TASOR2: variants seen among roughly 807,000 people sequenced by gnomAD.
TASOR2 encodes the protein protein TASOR 2.
Under a neutral mutation model 199.5 loss-of-function variants are expected in TASOR2, and 84 were observed. That is an observed-to-expected ratio of 0.42 (90% CI 0.35 to 0.50). TASOR2 has a LOEUF of 0.50. Ranked by LOEUF, TASOR2 falls within the 20% of genes least tolerant of loss-of-function variation. The pLI is 0.02. For missense variants in TASOR2, 2,796 were observed against 2,835.9 expected (o/e 0.99, Z 0.32); for synonymous variants, 1,103 against 1,046.6 (o/e 1.05, Z -1.04).
rs1381051305 is a variant in TASOR2 at position 5,717,864 on chromosome 10, A to G, written c.-100+114A>G. 1.2e-5 allele frequency: 5 copies of G among 414,064 alleles called. No homozygotes were observed. In the East Asian group the frequency reaches 1.8e-4, roughly 15 times the overall value. The allele number at this position is 414,064 out of a possible 1,614,324, so 25.6% of individuals were successfully genotyped here. ...AGTTCTCACCAAAGTTAGCTATCCAAATTCAGGAAAAGCAAAACTATTTTT... is the reference window on the plus strand; with the variant it reads ...AGTTCTCACCAAAGTTAGCTATCCAGATTCAGGAAAAGCAAAACTATTTTT... On this transcript the variant is annotated intron_variant, in intron 3 of 20. Coordinates refer to ENST00000328090, the Ensembl canonical transcript of TASOR2.
At chr10:5,753,599 A>G (rs1409231858) in intron 15 of TASOR2, among the ~76,000 whole-genome samples, 2 of 152,052 alleles carry the variant, frequency 1.3e-5, no homozygotes, top group Non-Finnish European at 2.9e-5. Flanking sequence ...TGACCTTGTG[A>G]TCCGCCTACC....
chr10:5,717,791 T>A (rs1564287046), intron 3 of TASOR2, 41 bp downstream of exon 4: 1 of 780,964 alleles, frequency 1.3e-6, no homozygotes. Context: ...CCTTTTAAAG[T>A]TTAAGGTTAT....
rs879648422 is a variant in TASOR2 at position 5,754,390 on chromosome 10, C to CT, written c.6607-2211dup. 1.4e-3 allele frequency among the ~76,000 whole-genome samples: 204 copies of CT among 146,078 alleles called. 3 individuals are homozygous for CT. The East Asian group carries it at 0.027, about 20-fold the overall frequency. On this transcript the variant is annotated intron_variant, in intron 15 of 20. Coordinates refer to ENST00000328090, the Ensembl canonical transcript of TASOR2. This position sits in a 1 kb window ranked among gnomAD's most constrained non-coding sequence, Gnocchi z 4.3. Reference sequence around the variant, plus strand: ...CTAAGTTTTATTCATAGCAGAAGTACTTTTTTTTTTTTAATTGAGATGAAG... The same window carrying CT: ...CTAAGTTTTATTCATAGCAGAAGTACTTTTTTTTTTTTTAATTGAGATGAAG...
In TASOR2 at chr10:5,740,461, A is replaced by T. The variant is rs532126337; in HGVS notation, c.2291A>T (p.Asn764Ile). ...AGTTTAGACAGCAAATATACCAACA[A>T]CCCACTGGAGAAAACTGTAGTAAGA... The change falls in exon 13 of 21, where the codon AAC becomes ATC. Residue 764 changes from asparagine (N) to isoleucine (I), a missense_variant. Transcript: ENST00000328090. This position sits in a 1 kb window ranked among gnomAD's most constrained non-coding sequence, Gnocchi z 5.3. 6.2e-7 allele frequency: 1 copy of T among 1,613,448 alleles called. No homozygotes were observed. The highest frequency in any genetic ancestry group is 1.3e-5 in the African/African-American group (1 of 75,042).
chr10:5,733,298 A>G (rs2131598338), intron 11 of TASOR2, among the ~76,000 whole-genome samples: 1 of 152,276 alleles, frequency 6.6e-6, no homozygotes, highest in South Asian at 2.1e-4. Context: ...ACTTGAGGCC[A>G]GGAGTTCGAG....
exon 21 of TASOR2, chr10:5,763,075 A>G: frequency 1.4e-5 from 23 of 1,604,154 alleles, no homozygotes; most frequent in Non-Finnish European, 2.0e-5. Context: ...CCAATAAAAA[A>G]TTAGTATTTT....
chr10:5,696,403 T>A (rs1219993161), intron 1 of TASOR2, among the ~76,000 whole-genome samples: 1 of 152,168 alleles, frequency 6.6e-6, no homozygotes, highest in East Asian at 1.9e-4. Context: ...GTCACCCAGA[T>A]TGAAGTGCAG....
At chr10:5,758,728 G>A (rs995903529) in intron 17 of TASOR2, among the ~76,000 whole-genome samples, 159 bp from the exon 19 acceptor site, 1 of 152,216 alleles carries the variant, frequency 6.6e-6, no homozygotes, top group Non-Finnish European at 1.5e-5. Context: ...GTGAGAGCAG[G>A]ATGCTGCCCA....
chr10:5,746,742 G>T (rs1343528808), exon 15 of TASOR2: 1 of 1,614,130 alleles, frequency 6.2e-7, no homozygotes, highest in Non-Finnish European at 8.5e-7. Flanking sequence ...CACAAGGCCT[G>T]AGGGACATTC....
intron 1 of TASOR2, among the ~76,000 whole-genome samples, chr10:5,686,699 TAGCCACCTAGTAATTGAAAGTAAC>T (rs1294087890): frequency 1.3e-5 from 2 of 152,228 alleles, no homozygotes; most frequent in Non-Finnish European, 2.9e-5. Flanking sequence ...TAAAATATCT[TAGCCACCTAGTAATTGAAAGTAAC>T]ATTCTGTTTT....
At chr10:5,721,848 T>A in intron 6 of TASOR2, among the ~76,000 whole-genome samples, 1 of 152,204 alleles carries the variant, frequency 6.6e-6, no homozygotes, top group East Asian at 1.9e-4. Context: ...GCAGATACCA[T>A]CTTAACTCAG....
chr10:5,712,334 C>T, intron 1 of TASOR2: 1 of 1,168,770 alleles, frequency 8.6e-7, no homozygotes, highest in Non-Finnish European at 1.1e-6. Flanking sequence ...CAGTGTGTCT[C>T]CCTTAACCCC....
Position 5,739,609 on chromosome 10 carries a change from A to G in TASOR2, c.1448-9A>G. On this transcript the variant is annotated splice_polypyrimidine_tract_variant and intron_variant, in intron 12 of 20. Coordinates refer to ENST00000328090, the Ensembl canonical transcript of TASOR2. ...AACATCTCTCTTTTTTTTTTCTTTTATACTGAAGTCAAAGGAGAAACTGCT... is the reference window on the plus strand; with the variant it reads ...AACATCTCTCTTTTTTTTTTCTTTTGTACTGAAGTCAAAGGAGAAACTGCT... The G allele has an allele frequency of 3.8e-6, 6 of 1,595,338 alleles. No individual in the cohort carries two copies. Among genetic ancestry groups the G allele is most frequent in the Non-Finnish European group, 5.1e-6 (6 of 1,172,036 alleles).
exon 1 of TASOR2, chr10:5,684,881 C>T (rs1003044044): frequency 1.5e-5 from 5 of 344,024 alleles, no homozygotes; most frequent in Admixed American, 4.7e-5. Context: ...TCGGCATGTT[C>T]TCGCAGGCTG....
In TASOR2 at chr10:5,719,943, A is replaced by G. The variant is rs1274503091; in HGVS notation, c.-99-601A>G. Among the ~76,000 whole-genome samples, 2 of 152,276 alleles carry G rather than the reference A, an allele frequency of 1.3e-5. No homozygotes were observed. Among genetic ancestry groups the G allele is most frequent in the African/African-American group, 2.4e-5 (1 of 41,546 alleles). ...CGTAACATAAAAGATGGTGGGCTAT[A>G]GTTTTTCTTTTAAGGAAATGGCTCT... is the stretch of plus-strand genomic sequence containing the variant. On this transcript the variant is annotated intron_variant, in intron 3 of 20. Transcript: ENST00000328090. This position sits in a 1 kb window ranked among gnomAD's most constrained non-coding sequence, Gnocchi z 4.1.
Position 5,710,166 on chromosome 10 carries a change from G to A in TASOR2, c.-287-2657G>A, listed in dbSNP as rs1030038581. On this transcript the variant is annotated intron_variant, in intron 1 of 20. Coordinates refer to ENST00000328090, the Ensembl canonical transcript of TASOR2. The surrounding 1 kb of genome is among the most constrained non-coding windows in gnomAD (Gnocchi z 4.6). ...GTGTATTTTGTAAAGAAGGGAGAGCGTCAAATTTCTAGATGAAATTTTCAT... is the reference window on the plus strand; with the variant it reads ...GTGTATTTTGTAAAGAAGGGAGAGCATCAAATTTCTAGATGAAATTTTCAT... Among the ~76,000 whole-genome samples the A allele has an allele frequency of 6.6e-6, 1 of 152,224 alleles. No individual in the cohort carries two copies. Among genetic ancestry groups the A allele is most frequent in the South Asian group, 2.1e-4 (1 of 4,826 alleles).
In TASOR2 at chr10:5,724,456, TTGTA is replaced by T; in HGVS notation, c.277_280del (p.Tyr93ArgfsTer2). ...CTGTTTTCAAGATTTGTGCTTCAATTTGTATGAGGTAGAACTGTCAAACAGACAA... is the reference window on the plus strand; with the variant it reads ...CTGTTTTCAAGATTTGTGCTTCAATTTGAGGTAGAACTGTCAAACAGACAA... On this transcript the variant is annotated frameshift_variant, in exon 8 of 21. Transcript: ENST00000328090. LOFTEE classifies it high-confidence loss of function. 1 of 1,545,282 alleles carries T rather than the reference TTGTA, an allele frequency of 6.5e-7. No individual in the cohort carries two copies. Among genetic ancestry groups the T allele is most frequent in the Non-Finnish European group, 8.7e-7 (1 of 1,150,606 alleles).
At chr10:5,709,053 T>G (rs1358917520) in intron 1 of TASOR2, among the ~76,000 whole-genome samples, 1 of 152,192 alleles carries the variant, frequency 6.6e-6, no homozygotes, top group Non-Finnish European at 1.5e-5. Flanking sequence ...AGAGACTGTT[T>G]GCCATTTGTC....
rs1171943239 is a variant in TASOR2 at position 5,687,948 on chromosome 10, C to A, written c.-288+2773C>A. Among the ~76,000 whole-genome samples the A allele has an allele frequency of 6.6e-6, 1 of 151,950 alleles. No homozygotes were observed. Among genetic ancestry groups the A allele is most frequent in the Non-Finnish European group, 1.5e-5 (1 of 67,976 alleles). On this transcript the variant is annotated intron_variant, in intron 1 of 20. Coordinates refer to ENST00000328090, the Ensembl canonical transcript of TASOR2. The surrounding 1 kb of genome is among the most constrained non-coding windows in gnomAD (Gnocchi z 4.8). Reference sequence around the variant, plus strand: ...TATTGGTACCTTTAAATATAATAACCCATTACATCTTAACATATTTTATCT... The same window carrying A: ...TATTGGTACCTTTAAATATAATAACACATTACATCTTAACATATTTTATCT...
Sources: gnomAD v4.1 joint callset for allele counts (sites outside exome capture counted in the v4.1 genomes callset) on GRCh38, gnomAD v4.1.1 for gene constraint, Gnocchi (gnomAD v3.1) non-coding constraint, MANE v1.5 for transcripts, NCBI Gene and HGNC (gene_info 2026-07-23, HGNC 2026-07-21) for gene names.